Variants in SLC45A4 observed in about 807,000 individuals in gnomAD.
The protein encoded by SLC45A4 is solute carrier family 45 member 4.
In SLC45A4, 32 loss-of-function variants were observed where a neutral mutation model predicts 63.7. The observed-to-expected ratio is 0.50, with a 90% CI of 0.38 to 0.67. The LOEUF is 0.67. Ranked by LOEUF, SLC45A4 falls within the 30% of genes least tolerant of loss-of-function variation. The pLI is 0.00. For missense variants in SLC45A4, 1,027 were observed against 1,157.7 expected, an observed-to-expected ratio of 0.89 and a Z score of 1.64; for synonymous variants, 535 against 510.0, an observed-to-expected ratio of 1.05 and a Z score of -0.66.
intron 2 of SLC45A4, 42 bp from the exon 3 acceptor site, chr8:141,221,807 C>T (rs369341877): frequency 4.7e-5 from 75 of 1,589,998 alleles, no homozygotes; most frequent in South Asian, 5.6e-5. Context: ...AGGCACTGGC[C>T]GGGCTCTGCC....
chr8:141,299,605 G>A (rs887707008), intron 1 of SLC45A4, among the ~76,000 whole-genome samples: 2 of 152,216 alleles, frequency 1.3e-5, no homozygotes. Context: ...CCTGATGGGG[G>A]AGGACTTCCA....
chr8:141,301,045 G>A (rs1394114722), intron 1 of SLC45A4, among the ~76,000 whole-genome samples: 1 of 152,108 alleles, frequency 6.6e-6, no homozygotes, highest in Non-Finnish European at 1.5e-5. Context: ...CCCCACAAAC[G>A]CCTGCCTAAA....
At chr8:141,298,087 C>G (rs1350061505) in intron 1 of SLC45A4, among the ~76,000 whole-genome samples, 1 of 152,254 alleles carries the variant, frequency 6.6e-6, no homozygotes, top group Non-Finnish European at 1.5e-5. Flanking sequence ...CCCGTGTCCA[C>G]ACTCCCCAGG....
chr8:141,287,852 G>C (rs1024182448), intron 1 of SLC45A4, among the ~76,000 whole-genome samples: 2 of 152,182 alleles, frequency 1.3e-5, no homozygotes, highest in African/African-American at 4.8e-5. Flanking sequence ...CCACAGGGTA[G>C]CACACAGGAG....
intron 2 of SLC45A4, among the ~76,000 whole-genome samples, chr8:141,232,822 G>A (rs1163618379): frequency 1.3e-5 from 2 of 152,228 alleles, no homozygotes; most frequent in Non-Finnish European, 2.9e-5. Context: ...GAGCTGCAAC[G>A]GGAACACACG....
chr8:141,307,349 G>A (rs1285001169), intron 1 of SLC45A4, among the ~76,000 whole-genome samples: 1 of 152,188 alleles, frequency 6.6e-6, no homozygotes, highest in Non-Finnish European at 1.5e-5. Flanking sequence ...TTCCTCCAGG[G>A]ACAAGGTCGG....
At chr8:141,239,649 G>C (rs887336722) in intron 2 of SLC45A4, among the ~76,000 whole-genome samples, 1 of 152,164 alleles carries the variant, frequency 6.6e-6, no homozygotes, top group Non-Finnish European at 1.5e-5. Context: ...GAACGTGGTA[G>C]GAATGTGTTT....
chr8:141,279,995 C>G (rs1351288178), intron 1 of SLC45A4, among the ~76,000 whole-genome samples: 1 of 152,254 alleles, frequency 6.6e-6, no homozygotes, highest in Non-Finnish European at 1.5e-5. Flanking sequence ...AAGCAAGAAC[C>G]AGCGGCAGCA....
At position 141,253,399 on chromosome 8, in the gene SLC45A4, G is replaced by A. The variant is rs534515069; in HGVS notation, c.241+590C>T. ...TGTGAATTTCCATGCTTTTGGAAATGCCTGTCTCTGAGCCATCTACTGTCC... is the reference window on the plus strand; with the variant it reads ...TGTGAATTTCCATGCTTTTGGAAATACCTGTCTCTGAGCCATCTACTGTCC... On this transcript the variant is annotated intron_variant, in intron 2 of 8. Coordinates refer to ENST00000517878, the MANE Select transcript of SLC45A4 (RefSeq NM_001286646.2). 6.2e-5 allele frequency: 13 copies of A among 208,226 alleles called. No homozygotes were observed. The Admixed American group carries it at 6.9e-4, about 11-fold the overall frequency. 12.9% of individuals were successfully genotyped at this position (208,226 alleles called of 1,614,324 possible).
chr8:141,217,212 G>A (rs1826210825), intron 5 of SLC45A4, 23 bp from the exon 6 acceptor site: 2 of 1,609,588 alleles, frequency 1.2e-6, no homozygotes, highest in African/African-American at 2.7e-5. Flanking sequence ...TGAGACGGGG[G>A]CTGACGAGGG....
Position 141,209,868 on chromosome 8 carries a change from C to A in SLC45A4, c.*1704G>T, listed in dbSNP as rs1825715502. The A allele has an allele frequency of 6.6e-6, 1 of 152,272 alleles. No individual in the cohort carries two copies. Among genetic ancestry groups the A allele is most frequent in the Admixed American group, 6.5e-5 (1 of 15,290 alleles). The allele number at this position is 152,272 out of a possible 1,614,324, so 9.4% of individuals were successfully genotyped here. A position where few individuals can be genotyped will look rare whatever the true frequency, so the allele number is the denominator to read the frequency against. On this transcript the variant is annotated 3_prime_UTR_variant, in exon 9 of 9. Transcript: ENST00000517878. ...CCTCTTCCTCCTAAAAATCAAGTCGCAGCCAGGCCCTGAGACTTCTGCACT... is the reference window on the plus strand; with the variant it reads ...CCTCTTCCTCCTAAAAATCAAGTCGAAGCCAGGCCCTGAGACTTCTGCACT...
intron 1 of SLC45A4, among the ~76,000 whole-genome samples, chr8:141,263,834 A>G (rs942756436): frequency 6.6e-6 from 1 of 151,960 alleles, no homozygotes; most frequent in African/African-American, 2.4e-5. Flanking sequence ...AAATAAATAA[A>G]TTAATTAAGG....
chr8:141,259,307 C>T (rs1828951257), intron 1 of SLC45A4, among the ~76,000 whole-genome samples: 1 of 152,240 alleles, frequency 6.6e-6, no homozygotes, highest in South Asian at 2.1e-4. Context: ...ACACTGCTGA[C>T]CCAGCCCGCC....
In SLC45A4 at chr8:141,280,555, C is replaced by T. The variant is rs1589847016; in HGVS notation, c.-400-25926G>A. Among the ~76,000 whole-genome samples, 9 of 152,198 alleles carry T rather than the reference C, an allele frequency of 5.9e-5. No homozygotes were observed. The South Asian group carries it at 1.7e-3, about 28-fold the overall frequency. On this transcript the variant is annotated intron_variant, in intron 1 of 8. Coordinates refer to ENST00000517878, the MANE Select transcript of SLC45A4 (RefSeq NM_001286646.2). ...GGCCCCTGCAACATGGTGTTGAGGC[C>T]GGCTCTGAGGGCAGTGGGTCACTCG...
At position 141,267,520 on chromosome 8, in the gene SLC45A4, G is replaced by A. The variant is rs191630962; in HGVS notation, c.-400-12891C>T. ...GCAAGGCTTTACACTGTGTGAGATG[G>A]ATTCTTATTACAGAAAGTAGGATGC... is the stretch of plus-strand genomic sequence containing the variant. On this transcript the variant is annotated intron_variant, in intron 1 of 8. Transcript: ENST00000517878. 6.6e-5 allele frequency among the ~76,000 whole-genome samples: 10 copies of A among 152,354 alleles called. No homozygotes were observed. The East Asian group carries it at 1.9e-3, about 29-fold the overall frequency.
intron 2 of SLC45A4, 108 bp downstream of exon 2, chr8:141,253,881 G>T: frequency 1.4e-6 from 2 of 1,461,688 alleles, no homozygotes; most frequent in South Asian, 1.4e-5. Flanking sequence ...TCCAGTGCCC[G>T]GGGCTCTCCA....
chr8:141,258,174 G>T (rs979212843), intron 1 of SLC45A4, among the ~76,000 whole-genome samples: 5 of 149,408 alleles, frequency 3.3e-5, no homozygotes, highest in Non-Finnish European at 7.4e-5. Context: ...CTGGGTCACA[G>T]TTTGCTGCCC....
rs141507926 is a variant in SLC45A4, at chr8:141,218,366, C to T, written c.1274G>A (p.Ser425Asn). 169 of 1,608,268 alleles carry T rather than the reference C, an allele frequency of 1.1e-4. No homozygotes were observed. Among genetic ancestry groups the T allele is most frequent in the Non-Finnish European group, 1.4e-4 (161 of 1,179,746 alleles). ...AAGCTTGCCGTAGTAGGAGAAGGTGCTGGAGGCCTGCCTGCGGAACGCGTG... is the reference window on the plus strand; with the variant it reads ...AAGCTTGCCGTAGTAGGAGAAGGTGTTGGAGGCCTGCCTGCGGAACGCGTG... ...RRHAFRRQAS[S>N]TFSYYGKLGS... Residue 425 changes from serine to asparagine, a missense_variant, in exon 5 of 9, where the codon AGC (serine) becomes AAC (asparagine). Coordinates refer to ENST00000517878, the MANE Select transcript of SLC45A4 (RefSeq NM_001286646.2).
intron 2 of SLC45A4, among the ~76,000 whole-genome samples, chr8:141,222,908 G>A (rs946131636): frequency 1.3e-5 from 2 of 152,212 alleles, no homozygotes; most frequent in African/African-American, 4.8e-5. Context: ...CAGTCACGCG[G>A]TGCCAATTCA....
Sources: allele counts gnomAD v4.1 joint callset (sites outside exome capture counted in the v4.1 genomes callset), GRCh38; gene constraint gnomAD v4.1.1; transcripts MANE v1.5; gene names NCBI Gene and HGNC (gene_info 2026-07-23, HGNC 2026-07-21).